The following PCDHA7 variants were observed in gnomAD, a reference collection of about 807,000 sequenced individuals.
PCDHA7 encodes protocadherin alpha 7.
In PCDHA7, 37 loss-of-function variants were observed where a neutral mutation model predicts 57.2. The observed-to-expected ratio is 0.65, with a 90% CI of 0.50 to 0.85. PCDHA7 has a LOEUF of 0.85. PCDHA7 is among the 40% of genes least tolerant of loss of function. The probability of loss-of-function intolerance (pLI) is 0.00; values close to 1 mark genes in which losing one functional copy is unlikely to be tolerated. For missense variants in PCDHA7, 1,188 were observed against 1,241.8 expected, an observed-to-expected ratio of 0.96 and a Z score of 0.65; for synonymous variants, 553 against 558.8, an observed-to-expected ratio of 0.99 and a Z score of 0.15.
At chr5:140,912,844 C>T (rs960802369) in intron 1 of PCDHA7, among the ~76,000 whole-genome samples, 16 of 152,150 alleles carry the variant, frequency 1.1e-4, no homozygotes, top group Admixed American at 2.6e-4. Context: ...AATGCTTTTT[C>T]AGCATCAATT....
intron 1 of PCDHA7, chr5:140,841,595 C>A (rs2150318765): frequency 1.9e-6 from 3 of 1,614,058 alleles, no homozygotes; most frequent in Non-Finnish European, 2.5e-6. Flanking sequence ...TCGGATCGAC[C>A]GCGAGGAGCT....
chr5:140,958,242 T>A (rs1375619471), intron 1 of PCDHA7, among the ~76,000 whole-genome samples: 1 of 152,120 alleles, frequency 6.6e-6, no homozygotes, highest in Non-Finnish European at 1.5e-5. Context: ...TTTTTAACAA[T>A]TCTGAACAAA....
In PCDHA7 at chr5:140,841,042, G is replaced by A. The variant is rs1776988027; in HGVS notation, c.2355+4304G>A. 7.4e-6 allele frequency: 3 copies of A among 406,126 alleles called. No individual in the cohort carries two copies. The South Asian group carries it at 1.3e-4, about 18-fold the overall frequency. 25.2% of individuals were successfully genotyped at this position (406,126 alleles called of 1,614,324 possible). On this transcript the variant is annotated intron_variant, in intron 1 of 3. Transcript: ENST00000525929. ...ATGCCTCTGCAATTGATAAAGTTAA[G>A]GATTTACTATTAAATTATGATAAAG...
chr5:140,835,652 G>A lies in PCDHA7; in HGVS notation c.1269G>A (p.Leu423=). 6.2e-7 allele frequency: 1 copy of A among 1,613,954 alleles called. No individual in the cohort carries two copies. Among genetic ancestry groups the A allele is most frequent in the African/African-American group, 1.3e-5 (1 of 75,072 alleles). The change falls in exon 1 of 4, where the codon CTG becomes CTA. Residue 423 remains leucine, a synonymous_variant. Coordinates refer to ENST00000525929, the MANE Select transcript of PCDHA7 (RefSeq NM_018910.3). ...GCGAGAGTGTGTCCGCCTATGAGCT[G>A]GTGGTTACCGCGCGGGACGGGGGCT... is the stretch of plus-strand genomic sequence containing the variant. The part of the protein sequence containing the change: ...LDRESVSAYE[L]VVTARDGGSP...
At chr5:141,009,529 T>C in intron 3 of PCDHA7, 98 bp from the exon 4 acceptor site, 2 of 1,505,630 alleles carry the variant, frequency 1.3e-6, no homozygotes, top group Non-Finnish European at 1.8e-6. Context: ...TCTGGGGAGG[T>C]TCAGCCTGCC....
chr5:140,883,777 G>T, intron 1 of PCDHA7: 3 of 1,612,364 alleles, frequency 1.9e-6, no homozygotes, highest in Non-Finnish European at 1.7e-6. Flanking sequence ...GCGAGCGTGC[G>T]CTGTCGAGCT....
At chr5:140,905,292 G>T (rs1394409672) in intron 1 of PCDHA7, among the ~76,000 whole-genome samples, 1 of 152,114 alleles carries the variant, frequency 6.6e-6, no homozygotes, top group African/African-American at 2.4e-5. Flanking sequence ...CTTGAATAAG[G>T]TGTCCTTTCC....
intron 3 of PCDHA7, among the ~76,000 whole-genome samples, chr5:141,002,620 A>G (rs553505520): frequency 6.8e-4 from 104 of 152,336 alleles, no homozygotes; most frequent in African/African-American, 2.4e-3. Flanking sequence ...CACATAACAC[A>G]GACAGAGATA....
chr5:140,861,587 G>C, intron 1 of PCDHA7: 1 of 374,992 alleles, frequency 2.7e-6, no homozygotes, highest in South Asian at 2.4e-5. Flanking sequence ...TCCATGTGGA[G>C]GTGAAAGTGA....
In PCDHA7 at chr5:140,835,785, A is replaced by G. The variant is rs2150244615; in HGVS notation, c.1402A>G (p.Asn468Asp). The G allele has an allele frequency of 1.2e-6, 2 of 1,613,238 alleles. No homozygotes were observed. The highest frequency in any genetic ancestry group is 3.3e-5 in the Admixed American group (2 of 60,022). The change falls in exon 1 of 4, where the codon AAC becomes GAC. Residue 468 changes from asparagine (N) to aspartate (D), a missense_variant. Around this residue, in one of 3 missense-constraint regions of PCDHA7, gnomAD observed 892 missense variants for 788.5 expected, o/e 1.13. Transcript: ENST00000525929. ...GTATACGGTGTTCGTGAAGGAGAAC[A>G]ACCCGCCGGGCTGCCACATCTTCAC... is the stretch of plus-strand genomic sequence containing the variant. ...PEYTVFVKEN[N>D]PPGCHIFTVS...
intron 1 of PCDHA7, chr5:140,966,895 G>T: frequency 6.3e-7 from 1 of 1,596,682 alleles, no homozygotes. Flanking sequence ...CGGCCTCCCA[G>T]CTGCGATACT....
chr5:140,961,278 C>T (rs1205288915), intron 1 of PCDHA7, among the ~76,000 whole-genome samples: 1 of 152,192 alleles, frequency 6.6e-6, no homozygotes, highest in Non-Finnish European at 1.5e-5. Context: ...TTTACCATGG[C>T]TCTGTTTCTT....
chr5:140,841,061 G>T (rs1479133522), intron 1 of PCDHA7: 1 of 457,826 alleles, frequency 2.2e-6, no homozygotes, highest in Non-Finnish European at 3.8e-6. Flanking sequence ...ATTAAATTAT[G>T]ATAAAGAAAT....
chr5:140,834,412 G>T lies in PCDHA7; in HGVS notation c.29G>T (p.Gly10Val). Residue 10 changes from glycine (G) to valine (V), a missense_variant, in exon 1 of 4, where the codon GGG becomes GTG. By Grantham distance (109) the Gly-to-Val change is moderately radical. Around this residue, in one of 3 missense-constraint regions of PCDHA7, gnomAD observed 194 missense variants for 185.8 expected, o/e 1.04. Transcript: ENST00000525929. ...GTGTGCCCGAATGGATACGACCCAG[G>T]GGGCCGACATCTACTGCTGTTTATT... MVCPNGYDP[G>V]GRHLLLFIII... 1 of 1,611,044 alleles carries T rather than the reference G, an allele frequency of 6.2e-7. No individual in the cohort carries two copies. Among genetic ancestry groups the T allele is most frequent in the Non-Finnish European group, 8.5e-7 (1 of 1,178,106 alleles).
At chr5:140,941,214 C>CTTCCTTTCTTTCTTT (rs1554214039) in intron 1 of PCDHA7, among the ~76,000 whole-genome samples, 1 of 122,414 alleles carries the variant, frequency 8.2e-6, no homozygotes, top group Non-Finnish European at 1.7e-5. Context: ...TTTCTTTCTT[C>CTTCCTTTCTTTCTTT]CTTTCTTTCT....
At chr5:140,946,202 A>T (rs2093901656) in intron 1 of PCDHA7, among the ~76,000 whole-genome samples, 1 of 152,118 alleles carries the variant, frequency 6.6e-6, no homozygotes, top group Non-Finnish European at 1.5e-5. Context: ...AAAAGAAAGC[A>T]CACAAATGAC....
chr5:140,974,396 G>C (rs1413050341), intron 1 of PCDHA7, among the ~76,000 whole-genome samples: 1 of 152,178 alleles, frequency 6.6e-6, no homozygotes, highest in Admixed American at 6.5e-5. Context: ...CATTAGGTAT[G>C]TTCTAAAGTT....
At chr5:140,899,693 A>G (rs1269311819) in intron 1 of PCDHA7, among the ~76,000 whole-genome samples, 1 of 152,240 alleles carries the variant, frequency 6.6e-6, no homozygotes, top group East Asian at 1.9e-4. Flanking sequence ...TGCTGGCCTC[A>G]TAAAATGAGT....
chr5:140,928,334 C>CT, intron 1 of PCDHA7: 1 of 1,614,158 alleles, frequency 6.2e-7, no homozygotes, highest in Non-Finnish European at 8.5e-7. Flanking sequence ...GGCCTTGTCT[C>CT]TTATGAGCTG....
Sources: allele counts gnomAD v4.1 joint callset (sites outside exome capture counted in the v4.1 genomes callset), GRCh38; gene constraint gnomAD v4.1.1; regional missense constraint gnomAD v4.1.1; transcripts MANE v1.5; gene names NCBI Gene and HGNC (gene_info 2026-07-23, HGNC 2026-07-21).